Variants in SPATC1L observed in about 807,000 individuals in gnomAD.
SPATC1L encodes spermatogenesis and centriole associated 1 like.
SPATC1L carries 20 observed loss-of-function variants against 21.2 expected under a neutral mutation model. That is an observed-to-expected ratio of 0.94 (90% confidence interval 0.66 to 1.37). The LOEUF is 1.37. SPATC1L is among the 40% of genes most tolerant of loss of function. The probability of loss-of-function intolerance (pLI) is 0.00; values close to 1 mark genes in which losing one functional copy is unlikely to be tolerated. For missense variants in SPATC1L, 499 were observed against 478.7 expected (o/e 1.04, Z -0.40); for synonymous variants, 290 against 234.5 (o/e 1.24, Z -2.16).
intron 3 of SPATC1L, among the ~76,000 whole-genome samples, chr21:46,168,060 T>C (rs545375250): frequency 6.6e-6 from 1 of 152,250 alleles, no homozygotes; most frequent in South Asian, 2.1e-4. Context: ...AAAGGACTCA[T>C]ATCCAGACAC....
chr21:46,161,213 C>T lies in SPATC1L; in HGVS notation c.*166G>A, dbSNP rs949625910. 6 of 543,042 alleles carry T rather than the reference C, an allele frequency of 1.1e-5. No homozygotes were observed. The highest frequency in any genetic ancestry group is 4.1e-5 in the Admixed American group (1 of 24,642). 33.6% of individuals were successfully genotyped at this position (543,042 alleles called of 1,614,324 possible). ...AGAAGCACTCCGCAGGTGCGGGCAG[C>T]GGCGGGCTGCGGTCGGGGCCCAGCA... On this transcript the variant is annotated 3_prime_UTR_variant, in exon 5 of 5. Transcript: ENST00000291672.
chr21:46,168,199 T>C lies in SPATC1L; in HGVS notation c.544+109A>G, dbSNP rs965194924. On this transcript the variant is annotated intron_variant, in intron 3 of 4. Transcript: ENST00000291672. ...CAGCCTGGCTCTCCTCCCTCCACTC[T>C]GTGTGACTGGATGGAGAAACGGCCC... 1.2e-5 allele frequency: 8 copies of C among 669,400 alleles called. No individual in the cohort carries two copies. In the African/African-American group the frequency reaches 1.5e-4, roughly 12 times the overall value. 41.5% of individuals were successfully genotyped at this position (669,400 alleles called of 1,614,324 possible).
At chr21:46,161,858 A>AC (rs1161929592) in intron 4 of SPATC1L, 58 bp downstream of exon 4, 8 of 1,576,818 alleles carry the variant, frequency 5.1e-6, no homozygotes, top group African/African-American at 1.3e-5. Flanking sequence ...TGGGGGCCGC[A>AC]CAGGGACGGA....
At position 46,182,988 on chromosome 21, in the gene SPATC1L, G is replaced by A; in HGVS notation, c.-172C>T. ...TGATGAGGTGCCCAGCACCCTGCCT[G>A]CCCCCGCGATGGCTCATGGCCCCGT... On this transcript the variant is annotated 5_prime_UTR_variant, in exon 2 of 5. An upstream open reading frame in the 5' UTR gains an earlier in-frame stop. Coordinates refer to ENST00000291672, the MANE Select transcript of SPATC1L (RefSeq NM_001142854.2). The A allele has an allele frequency of 4.3e-6, 3 of 701,956 alleles. No individual in the cohort carries two copies. Among genetic ancestry groups the A allele is most frequent in the Non-Finnish European group, 6.6e-6 (3 of 452,432 alleles). 43.5% of individuals were successfully genotyped at this position (701,956 alleles called of 1,614,324 possible). A position where few individuals can be genotyped will look rare whatever the true frequency, so the allele number is the denominator to read the frequency against.
rs3057184 is a variant in SPATC1L at position 46,162,590 on chromosome 21, C to CTTTTTTTT, written c.545-531_545-524dup. On this transcript the variant is annotated intron_variant, in intron 3 of 4. Transcript: ENST00000291672. Reference sequence around the variant, plus strand: ...GAAAAGGACCGCTGGGTTGGCAGGACTTTTTTTTTTTTCTTAGACAGAGTC... The same window carrying CTTTTTTTT: ...GAAAAGGACCGCTGGGTTGGCAGGACTTTTTTTTTTTTTTTTTTTTCTTAGACAGAGTC... Among the ~76,000 whole-genome samples the CTTTTTTTT allele has an allele frequency of 6.9e-3, 916 of 133,392 alleles. 72 individuals are homozygous for CTTTTTTTT. The highest frequency in any genetic ancestry group is 0.019 in the African/African-American group (623 of 33,646). The allele number at this position is 133,392 out of a possible 152,430, so 87.5% of individuals were successfully genotyped here. A position where few individuals can be genotyped will look rare whatever the true frequency, so the allele number is the denominator to read the frequency against.
rs72042671 is a variant in SPATC1L at position 46,164,794 on chromosome 21, G to GAAAAAAAAAAA, written c.545-2738_545-2728dup. 7.3e-4 allele frequency among the ~76,000 whole-genome samples: 63 copies of GAAAAAAAAAAA among 86,450 alleles called. 1 individual carries two copies. The highest frequency in any genetic ancestry group is 9.2e-4 in the Non-Finnish European group (37 of 40,398). 56.7% of individuals were successfully genotyped at this position (86,450 alleles called of 152,430 possible). ...GCGACAGAGCGAGACTCCATCTCAA[G>GAAAAAAAAAAA]AAAAAAAAAAAAAAAAAGAATCAAG... On this transcript the variant is annotated intron_variant, in intron 3 of 4. Transcript: ENST00000291672.
Position 46,184,372 on chromosome 21 carries a change from G to A in SPATC1L, c.-975C>T. 1 of 156,888 alleles carries A rather than the reference G, an allele frequency of 6.4e-6. No individual in the cohort carries two copies. Among genetic ancestry groups the A allele is most frequent in the Non-Finnish European group, 1.4e-5 (1 of 70,254 alleles). 9.7% of individuals were successfully genotyped at this position (156,888 alleles called of 1,614,324 possible). On this transcript the variant is annotated 5_prime_UTR_variant, in exon 1 of 5. Transcript: ENST00000291672. ...GTAAATCACCTCAGTGTTGTTTCTT[G>A]GCTCCGAGGGTCTTGTTTTATCAGC...
At chr21:46,165,107 T>C (rs1282450816) in intron 3 of SPATC1L, among the ~76,000 whole-genome samples, 2 of 152,218 alleles carry the variant, frequency 1.3e-5, no homozygotes, top group Non-Finnish European at 2.9e-5. Flanking sequence ...GTATTAGGAA[T>C]GACTTTATGC....
chr21:46,166,022 G>A (rs2079537681), intron 3 of SPATC1L, among the ~76,000 whole-genome samples: 1 of 152,124 alleles, frequency 6.6e-6, no homozygotes, highest in Non-Finnish European at 1.5e-5. Flanking sequence ...ACAAAACAAT[G>A]AGAAAACAAA....
rs1401593309 is a variant in SPATC1L at position 46,161,406 on chromosome 21, C to A, written c.996G>T (p.Glu332Asp). The A allele has an allele frequency of 6.5e-7, 1 of 1,532,572 alleles. No homozygotes were observed. Among genetic ancestry groups the A allele is most frequent in the South Asian group, 1.2e-5 (1 of 81,352 alleles). The allele number at this position is 1,532,572 out of a possible 1,614,324, so 94.9% of individuals were successfully genotyped here. ...LLNCLCELSK[E>D]DGKPLFAW Reference sequence around the variant, plus strand: ...ACCAGGCGAAGAGGGGCTTGCCGTCCTCCTTGGAGAGCTCGCACAGGCAGT... The same window carrying A: ...ACCAGGCGAAGAGGGGCTTGCCGTCATCCTTGGAGAGCTCGCACAGGCAGT... The change falls in exon 5 of 5, where the codon GAG becomes GAT. Residue 332 changes from glutamate (E) to aspartate (D), a missense_variant. By Grantham distance (45) the Glu-to-Asp change is conservative. Transcript: ENST00000291672.
At position 46,182,835 on chromosome 21, in the gene SPATC1L, T is replaced by C. The variant is rs1361377419; in HGVS notation, c.-19A>G. The C allele has an allele frequency of 5.3e-6, 8 of 1,506,968 alleles. No individual in the cohort carries two copies. The highest frequency in any genetic ancestry group is 7.1e-6 in the Non-Finnish European group (8 of 1,124,096). The allele number at this position is 1,506,968 out of a possible 1,614,324, so 93.3% of individuals were successfully genotyped here. A position where few individuals can be genotyped will look rare whatever the true frequency, so the allele number is the denominator to read the frequency against. ...CAGCCATGGCGGGTGCGTCCCTCCT[T>C]GTCCCTCACGGCTCCTGCAGCCCCA... is the stretch of plus-strand genomic sequence containing the variant. On this transcript the variant is annotated 5_prime_UTR_variant, in exon 2 of 5. Coordinates refer to ENST00000291672, the MANE Select transcript of SPATC1L (RefSeq NM_001142854.2).
chr21:46,162,196 C>A lies in SPATC1L; in HGVS notation c.545-129G>T, dbSNP rs2079504483. 1.0e-5 allele frequency: 11 copies of A among 1,060,078 alleles called. No individual in the cohort carries two copies. The South Asian group carries it at 1.5e-4, about 14-fold the overall frequency. 65.7% of individuals were successfully genotyped at this position (1,060,078 alleles called of 1,614,324 possible). On this transcript the variant is annotated intron_variant, in intron 3 of 4. Transcript: ENST00000291672. ...CCCACCTGCCGCCACCCCCCACTGT[C>A]TGGCAAATAGAATCTGAAAGAAAAG...
At position 46,161,955 on chromosome 21, in the gene SPATC1L, G is replaced by A. The variant is rs139199473; in HGVS notation, c.657C>T (p.Tyr219=). The A allele has an allele frequency of 8.5e-4, 1,370 of 1,608,028 alleles. 11 individuals carry two copies. Among genetic ancestry groups the A allele is most frequent in the South Asian group, 2.1e-3 (193 of 90,886 alleles). ...AYVFPGVTRL[Y]GFTVANIPEK... ...CGGGGATGTTGGCCACCGTGAAGCC[G>A]TAGAGCCGCGTCACGCCCGGGAACA... Residue 219 remains tyrosine, a synonymous_variant, in exon 4 of 5, where the codon TAC becomes TAT. Transcript: ENST00000291672.
At chr21:46,169,608 C>A (rs2079569233) in intron 2 of SPATC1L, among the ~76,000 whole-genome samples, 1 of 107,810 alleles carries the variant, frequency 9.3e-6, no homozygotes, top group Non-Finnish European at 1.9e-5. Context: ...TGTGAGCATC[C>A]TCTGTGGATG....
chr21:46,172,319 G>C (rs945427725), intron 2 of SPATC1L, among the ~76,000 whole-genome samples: 4 of 152,232 alleles, frequency 2.6e-5, no homozygotes, highest in Non-Finnish European at 5.9e-5. Flanking sequence ...TGGAGAGCAA[G>C]AGGCAGGGTG....
At chr21:46,179,957 C>G (rs764789928) in intron 2 of SPATC1L, among the ~76,000 whole-genome samples, 1 of 152,228 alleles carries the variant, frequency 6.6e-6, no homozygotes, top group Non-Finnish European at 1.5e-5. Context: ...GGAACGATGC[C>G]GGCGCAGTGC....
chr21:46,178,855 C>A (rs1269983387), intron 2 of SPATC1L, among the ~76,000 whole-genome samples: 3 of 152,182 alleles, frequency 2.0e-5, no homozygotes, highest in Non-Finnish European at 2.9e-5. Context: ...CCACTGCACT[C>A]CAGCCTGGGC....
chr21:46,169,308 G>C (rs1186731780), intron 2 of SPATC1L, among the ~76,000 whole-genome samples: 1 of 149,694 alleles, frequency 6.7e-6, no homozygotes, highest in Non-Finnish European at 1.5e-5. Context: ...CTCTGTGGAT[G>C]GGGAGGAGCC....
At chr21:46,169,110 C>A (rs970258406) in intron 2 of SPATC1L, among the ~76,000 whole-genome samples, 26 of 152,386 alleles carry the variant, frequency 1.7e-4, no homozygotes, top group Admixed American at 8.5e-4. Flanking sequence ...TGTTTCCTGG[C>A]AACTCTGTAC....
Sources: gnomAD v4.1 joint callset for allele counts (sites outside exome capture counted in the v4.1 genomes callset) on GRCh38, gnomAD v4.1.1 for gene constraint, MANE v1.5 for transcripts, NCBI Gene and HGNC (gene_info 2026-07-23, HGNC 2026-07-21) for gene names.